The following SH2D4A variants were observed in gnomAD, a reference collection of about 807,000 sequenced individuals.
SH2D4A encodes SH2 domain-containing protein 4A.
A neutral mutation model predicts 64.7 loss-of-function variants in SH2D4A; 70 were observed. The ratio of observed to expected loss-of-function variants is 1.08; its 90% CI spans 0.89 to 1.32. SH2D4A has a LOEUF of 1.32. Ranked by LOEUF, SH2D4A falls within the 40% of genes most tolerant of loss-of-function variation. The pLI is 0.00. For missense variants in SH2D4A, 706 were observed against 540.1 expected (o/e 1.31, Z -3.04); for synonymous variants, 268 against 200.7 (o/e 1.34, Z -2.83).
At chr8:19,369,745 G>C (rs557627019) in intron 7 of SH2D4A, among the ~76,000 whole-genome samples, 9 of 151,704 alleles carry the variant, frequency 5.9e-5, no homozygotes, top group Non-Finnish European at 2.9e-5. Flanking sequence ...CTAAACTTAT[G>C]TGAGTTTTGT....
At chr8:19,380,426 C>T (rs2053273613) in intron 8 of SH2D4A, among the ~76,000 whole-genome samples, 1 of 152,038 alleles carries the variant, frequency 6.6e-6, no homozygotes, top group South Asian at 2.1e-4. Context: ...CCTTTGGTGT[C>T]ATATCTAAGA....
rs767383899 is a variant in SH2D4A, at chr8:19,328,853, CAT to C, written c.182-4100_182-4099del. On this transcript the variant is annotated intron_variant, in intron 2 of 9. Coordinates refer to ENST00000265807, the MANE Select transcript of SH2D4A (RefSeq NM_022071.4). ...TATAGAAGGAACTCAGGCTTGGAGA[CAT>C]AAATTGATGTATGCATGGTCTCATA... Among the ~76,000 whole-genome samples the C allele has an allele frequency of 6.5e-4, 99 of 152,346 alleles. 2 individuals are homozygous for C. Among genetic ancestry groups the C allele is most frequent in the Admixed American group, 5.0e-3 (77 of 15,296 alleles).
In SH2D4A at chr8:19,389,873, T is replaced by TA. The variant is rs573963635; in HGVS notation, c.1049-3438dup. ...TGGGCAATGGAGTAAGACCCTGTCT[T>TA]AAAAAAACAAATAAAAATTACTGCT... On this transcript the variant is annotated intron_variant, in intron 8 of 9. Coordinates refer to ENST00000265807, the MANE Select transcript of SH2D4A (RefSeq NM_022071.4). Among the ~76,000 whole-genome samples, 30 of 152,122 alleles carry TA rather than the reference T, an allele frequency of 2.0e-4. No individual in the cohort carries two copies. In the South Asian group the frequency reaches 3.5e-3, roughly 18 times the overall value.
At chr8:19,390,720 AG>A (rs1247510884) in intron 8 of SH2D4A, among the ~76,000 whole-genome samples, 1 of 152,184 alleles carries the variant, frequency 6.6e-6, no homozygotes, top group African/African-American at 2.4e-5. Context: ...GTGTACAAGG[AG>A]TCTCCACTAT....
At chr8:19,320,428 C>A (rs2052168310) in intron 2 of SH2D4A, among the ~76,000 whole-genome samples, 1 of 151,834 alleles carries the variant, frequency 6.6e-6, no homozygotes, top group Admixed American at 6.6e-5. Context: ...GGAGTTCTGA[C>A]CAGCCTGGAA....
chr8:19,384,148 C>A (rs1301858341), intron 8 of SH2D4A, among the ~76,000 whole-genome samples: 1 of 152,112 alleles, frequency 6.6e-6, no homozygotes, highest in Non-Finnish European at 1.5e-5. Context: ...GTTATTTCTA[C>A]AAGTGTTTAT....
At chr8:19,332,637 A>G (rs2052380344) in intron 2 of SH2D4A, among the ~76,000 whole-genome samples, 1 of 147,272 alleles carries the variant, frequency 6.8e-6, no homozygotes, top group Non-Finnish European at 1.5e-5. Flanking sequence ...CGGAGGTTGC[A>G]GTGAGCCAAG....
intron 8 of SH2D4A, among the ~76,000 whole-genome samples, chr8:19,379,244 C>G (rs902170687): frequency 3.3e-5 from 5 of 152,146 alleles, no homozygotes; most frequent in Non-Finnish European, 7.4e-5. Flanking sequence ...ATTCTAAATA[C>G]CTCATATAAG....
At chr8:19,354,912 T>C (rs1471337075) in intron 4 of SH2D4A, among the ~76,000 whole-genome samples, 1 of 152,186 alleles carries the variant, frequency 6.6e-6, no homozygotes, top group African/African-American at 2.4e-5. Flanking sequence ...GGACAGCAAA[T>C]GTGCTGCGGA....
chr8:19,367,206 T>A (rs1218051431), intron 7 of SH2D4A, among the ~76,000 whole-genome samples: 1 of 152,224 alleles, frequency 6.6e-6, no homozygotes, highest in Non-Finnish European at 1.5e-5. Context: ...AGTGCTGCAA[T>A]AAACATGGGA....
chr8:19,336,781 C>T (rs1002157739), intron 4 of SH2D4A, among the ~76,000 whole-genome samples: 12 of 151,968 alleles, frequency 7.9e-5, no homozygotes, highest in Non-Finnish European at 1.6e-4. Context: ...GCAGGAGGAT[C>T]GATTGAGCCC....
chr8:19,329,713 C>T (rs558998486), intron 2 of SH2D4A, among the ~76,000 whole-genome samples: 10 of 152,282 alleles, frequency 6.6e-5, no homozygotes, highest in East Asian at 1.9e-4. Context: ...GTGAATAAGT[C>T]TTCTGAGATC....
In SH2D4A at chr8:19,318,379, TAGAGAG is replaced by T. The variant is rs531790204; in HGVS notation, c.-204-961_-204-956del. Among the ~76,000 whole-genome samples, 862 of 152,320 alleles carry T rather than the reference TAGAGAG, an allele frequency of 5.7e-3. 6 individuals carry two copies. Among genetic ancestry groups the T allele is most frequent in the African/African-American group, 0.019 (802 of 41,564 alleles). On this transcript the variant is annotated intron_variant, in intron 1 of 9. Coordinates refer to ENST00000265807, the MANE Select transcript of SH2D4A (RefSeq NM_022071.4). ...ATGGGACTTAGAAATTGTTTAAAAATAGAGAGAGAAAGTATGACAGTGTGGTAATAT... is the reference window on the plus strand; with the variant it reads ...ATGGGACTTAGAAATTGTTTAAAAATAGAAAGTATGACAGTGTGGTAATAT...
At chr8:19,393,629 T>TGA in intron 9 of SH2D4A, 88 bp downstream of exon 9, 1 of 1,340,060 alleles carries the variant, frequency 7.5e-7, no homozygotes, top group Non-Finnish European at 1.0e-6. Flanking sequence ...AGAAAAGGAC[T>TGA]GAGACAAGTA....
At chr8:19,376,778 G>T (rs2053202911) in intron 8 of SH2D4A, among the ~76,000 whole-genome samples, 1 of 152,066 alleles carries the variant, frequency 6.6e-6, no homozygotes, top group Admixed American at 6.5e-5. Flanking sequence ...AGACTGTGCT[G>T]GTCTGCTTGC....
In SH2D4A at chr8:19,324,127, C is replaced by G. The variant is rs73667638; in HGVS notation, c.181+4399C>G. 9.5e-3 allele frequency among the ~76,000 whole-genome samples: 1,453 copies of G among 152,346 alleles called. 21 individuals carry two copies. The highest frequency in any genetic ancestry group is 0.033 in the African/African-American group (1,356 of 41,580). On this transcript the variant is annotated intron_variant, in intron 2 of 9. Coordinates refer to ENST00000265807, the MANE Select transcript of SH2D4A (RefSeq NM_022071.4). ...GCACATCTAAAACATGTGCTCGCGT[C>G]AGGAATCTGCCACAGAGCCTTCTTC...
intron 6 of SH2D4A, 174 bp from the exon 7 acceptor site, chr8:19,363,898 C>A: frequency 1.6e-6 from 1 of 635,512 alleles, no homozygotes. Context: ...GCAGCGAACG[C>A]TGGGCAAGCC....
Position 19,364,125 on chromosome 8 carries a change from C to T in SH2D4A, c.760C>T (p.Arg254Ter), listed in dbSNP as rs200199991. 3.2e-5 allele frequency: 51 copies of T among 1,613,918 alleles called. No individual in the cohort carries two copies. The highest frequency in any genetic ancestry group is 2.9e-4 in the South Asian group (26 of 91,084). Residue 254 changes from arginine (R) to a stop codon, truncating the protein, a stop_gained, in exon 7 of 10, where the codon CGA becomes TGA. Transcript: ENST00000265807. LOFTEE classifies it high-confidence loss of function. ...GAGACGCTCCTTGGCTAAACAAGCA[C>T]GAGAAGACTACAAGAGGTTATCCCT... Reference protein sequence around the residue: ...EKRRSLAKQAREDYKRLSLGA... With the variant: ...EKRRSLAKQA
chr8:19,351,399 G>C (rs1010237050), intron 4 of SH2D4A, among the ~76,000 whole-genome samples: 2 of 152,060 alleles, frequency 1.3e-5, no homozygotes, highest in Non-Finnish European at 2.9e-5. Context: ...GTCAGGAGAT[G>C]GAGACCATCC....
Sources: allele counts gnomAD v4.1 joint callset (sites outside exome capture counted in the v4.1 genomes callset), GRCh38; gene constraint gnomAD v4.1.1; transcripts MANE v1.5; gene names NCBI Gene and HGNC (gene_info 2026-07-23, HGNC 2026-07-21).